Variants in MAF observed in about 807,000 individuals in gnomAD.
MAF encodes MAF bZIP transcription factor, also known as transcription factor Maf.
A neutral mutation model predicts 22.0 loss-of-function variants in MAF; 10 were observed. The observed-to-expected ratio is 0.45, with a 90% CI of 0.28 to 0.77. The LOEUF is 0.77. MAF is among the 30% of genes least tolerant of loss of function. The pLI is 0.12. For synonymous variants in MAF, 337 were observed against 255.8 expected, an observed-to-expected ratio of 1.32 and a Z score of -3.03; for missense variants, 544 against 548.4, an observed-to-expected ratio of 0.99 and a Z score of 0.08.
the MAF span, among the ~76,000 whole-genome samples, chr16:79,380,823 G>T: frequency 1.3e-5 from 2 of 152,240 alleles, no homozygotes; most frequent in East Asian, 1.9e-4. Flanking sequence ...TACAGCTGTG[G>T]TATTACTCTG....
At chr16:79,221,656 C>T in the MAF span, among the ~76,000 whole-genome samples, 1 of 152,042 alleles carries the variant, frequency 6.6e-6, no homozygotes, top group Non-Finnish European at 1.5e-5. Context: ...ATCTGGACAG[C>T]TGATAAGAGT....
chr16:79,273,949 C>CTTTTTTTTTT, the MAF span, among the ~76,000 whole-genome samples: 1 of 86,458 alleles, frequency 1.2e-5, no homozygotes, highest in Non-Finnish European at 2.2e-5. Context: ...TCGTGTCTGC[C>CTTTTTTTTTT]TTTTTTTTTT....
chr16:79,444,674 C>T, the MAF span, among the ~76,000 whole-genome samples: 2 of 152,332 alleles, frequency 1.3e-5, no homozygotes, highest in East Asian at 1.9e-4. Context: ...ACAGAGGCCT[C>T]GTCCCTTGGA....
the MAF span, among the ~76,000 whole-genome samples, chr16:79,213,753 G>A: frequency 7.5e-4 from 114 of 152,160 alleles, no homozygotes; most frequent in South Asian, 2.1e-3. Context: ...TGCCAATTCA[G>A]AGGAGAAGAA....
At chr16:79,462,867 G>T in the MAF span, among the ~76,000 whole-genome samples, 11 of 152,162 alleles carry the variant, frequency 7.2e-5, no homozygotes, top group Admixed American at 7.2e-4. Context: ...GTATTTTTAC[G>T]GGGGAAATAG....
chr16:79,428,384 C>T, the MAF span, among the ~76,000 whole-genome samples: 2,566 of 152,236 alleles, frequency 0.017, 58 homozygotes, highest in African/African-American at 0.058. Context: ...AGCTGACCCC[C>T]ACCTCAACAC....
intron 1 of MAF, chr16:79,597,263 T>C (rs900997184): frequency 4.8e-6 from 5 of 1,047,684 alleles, no homozygotes; most frequent in South Asian, 4.6e-5. Flanking sequence ...ATCTGTAGCA[T>C]ACATTTTAAC....
the MAF span, among the ~76,000 whole-genome samples, chr16:79,280,955 G>C: frequency 6.6e-6 from 1 of 152,088 alleles, no homozygotes; most frequent in African/African-American, 2.4e-5. Context: ...TGCCACCCCC[G>C]ACCCTGAGAA....
the MAF span, among the ~76,000 whole-genome samples, chr16:79,285,774 G>A: frequency 1.3e-5 from 2 of 152,174 alleles, no homozygotes; most frequent in Non-Finnish European, 2.9e-5. Context: ...AGGAAGGCGG[G>A]AGGTGACTTC....
the MAF span, among the ~76,000 whole-genome samples, chr16:79,271,316 AT>A: frequency 0.98 from 149,039 of 152,238 alleles, 72,968 homozygotes; most frequent in East Asian, 1. Flanking sequence ...CATAACCTCC[AT>A]TGGGTTACTA....
intron 1 of MAF, chr16:79,598,391 C>T: frequency 8.5e-7 from 1 of 1,180,838 alleles, no homozygotes; most frequent in Non-Finnish European, 1.0e-6. Context: ...ATCAACGTTT[C>T]ACATGAAGAA....
the MAF span, among the ~76,000 whole-genome samples, chr16:79,393,263 G>GGATT: frequency 0.02 from 3,039 of 152,296 alleles, 263 homozygotes; most frequent in Admixed American, 0.16. Context: ...CCTACAGACT[G>GGATT]GATTCCAAAG....
chr16:79,350,642 T>C, the MAF span, among the ~76,000 whole-genome samples: 1 of 152,046 alleles, frequency 6.6e-6, no homozygotes, highest in African/African-American at 2.4e-5. Flanking sequence ...AACAGTGGGC[T>C]GGAGAGGGTT....
At chr16:79,391,655 C>T in the MAF span, among the ~76,000 whole-genome samples, 11 of 152,082 alleles carry the variant, frequency 7.2e-5, no homozygotes, top group East Asian at 9.7e-4. Flanking sequence ...CGGCTTCCCA[C>T]GCTGAAACGT....
the MAF span, among the ~76,000 whole-genome samples, chr16:79,495,287 C>A: frequency 1.3e-5 from 2 of 152,044 alleles, no homozygotes; most frequent in African/African-American, 4.8e-5. Context: ...CATAGTGAGA[C>A]CCCATCCCTA....
At chr16:79,236,942 C>T in the MAF span, among the ~76,000 whole-genome samples, 9 of 68,054 alleles carry the variant, frequency 1.3e-4, no homozygotes, top group African/African-American at 2.6e-4. Flanking sequence ...CCATAAATCT[C>T]GGAAAAAAAA....
the MAF span, among the ~76,000 whole-genome samples, chr16:79,441,314 C>T: frequency 6.6e-6 from 1 of 152,318 alleles, no homozygotes; most frequent in South Asian, 2.1e-4. Flanking sequence ...CTGTTTTTCC[C>T]AAGCTCCTCT....
the MAF span, among the ~76,000 whole-genome samples, chr16:79,509,463 C>G: frequency 6.6e-6 from 1 of 152,222 alleles, no homozygotes; most frequent in East Asian, 1.9e-4. Flanking sequence ...CACAGCTTGG[C>G]TGGCAAGGAT....
the MAF span, among the ~76,000 whole-genome samples, chr16:79,234,623 GTC>G: frequency 6.6e-6 from 1 of 152,110 alleles, no homozygotes; most frequent in Non-Finnish European, 1.5e-5. Context: ...CATGTTGTGT[GTC>G]TCAGCCTGGA....
Sources: allele counts gnomAD v4.1 joint callset (sites outside exome capture counted in the v4.1 genomes callset), GRCh38; gene constraint gnomAD v4.1.1; transcripts MANE v1.5; gene names NCBI Gene and HGNC (gene_info 2026-07-23, HGNC 2026-07-21).